MBP: variants seen among roughly 807,000 people sequenced by gnomAD.
MBP encodes the protein Golli-MBP.
In MBP, 16 loss-of-function variants were observed where a neutral mutation model predicts 35.8. The ratio of observed to expected loss-of-function variants is 0.45; its 90% CI spans 0.30 to 0.68. The LOEUF (loss-of-function observed/expected upper bound fraction) is 0.68. Among genes scored for constraint, MBP ranks in the 30% least tolerant of loss-of-function variants. The pLI is 0.08. For synonymous variants in MBP, 143 were observed against 159.6 expected (o/e 0.90, Z 0.78); for missense variants, 380 against 404.7 (o/e 0.94, Z 0.52).
chr18:77,048,984 G>T (rs1199843352), intron 3 of MBP, among the ~76,000 whole-genome samples: 1 of 149,980 alleles, frequency 6.7e-6, no homozygotes, highest in East Asian at 2.0e-4. Flanking sequence ...CAGTGGCATG[G>T]TGTCAGCTCA....
chr18:77,048,773 A>T (rs1214428711), intron 3 of MBP, among the ~76,000 whole-genome samples: 1 of 152,050 alleles, frequency 6.6e-6, no homozygotes, highest in Non-Finnish European at 1.5e-5. Flanking sequence ...CAATCTCTGT[A>T]GGTTCTATAA....
At chr18:77,067,319 C>G (rs544385995) in intron 2 of MBP, among the ~76,000 whole-genome samples, 1 of 152,290 alleles carries the variant, frequency 6.6e-6, no homozygotes, top group African/African-American at 2.4e-5. Context: ...TCCCTCCTTT[C>G]TGTCTTCACA....
chr18:77,052,930 C>T (rs1286331269), intron 3 of MBP, among the ~76,000 whole-genome samples: 1 of 152,232 alleles, frequency 6.6e-6, no homozygotes, highest in African/African-American at 2.4e-5. Context: ...CTAACCTACT[C>T]CCTCCTGTGG....
chr18:77,086,889 C>T (rs565597111), intron 2 of MBP, among the ~76,000 whole-genome samples: 1 of 152,280 alleles, frequency 6.6e-6, no homozygotes, highest in Non-Finnish European at 1.5e-5. Flanking sequence ...AGTATACGCT[C>T]CTCTAATGTT....
At position 77,131,073 on chromosome 18, in the gene MBP, G is replaced by GCA. The variant is rs377386133; in HGVS notation, c.-26+1506_-26+1507insTG. On this transcript the variant is annotated intron_variant, in intron 1 of 8. Coordinates refer to ENST00000355994, the MANE Select transcript of MBP (RefSeq NM_001025101.2). This position sits in a 1 kb window ranked among gnomAD's most constrained non-coding sequence, Gnocchi z 5.5. Reference sequence around the variant, plus strand: ...CTCAAAAAACAAAACACACACACGCGCGCACGCACGCGCACACACACACAC... The same window carrying GCA: ...CTCAAAAAACAAAACACACACACGCGCACGCACGCACGCGCACACACACACAC... Among the ~76,000 whole-genome samples, 772 of 37,072 alleles carry GCA rather than the reference G, an allele frequency of 0.021. 4 individuals are homozygous for GCA. The highest frequency in any genetic ancestry group is 0.037 in the South Asian group (29 of 784). The allele number at this position is 37,072 out of a possible 152,430, so 24.3% of individuals were successfully genotyped here.
intron 3 of MBP, among the ~76,000 whole-genome samples, chr18:77,029,793 A>ACAC (rs1972474497): frequency 3.3e-5 from 5 of 150,422 alleles, no homozygotes; most frequent in African/African-American, 9.8e-5. Flanking sequence ...CACACACACA[A>ACAC]ACACACACAC....
chr18:77,106,034 G>T (rs1976264062), intron 1 of MBP, among the ~76,000 whole-genome samples: 3 of 152,140 alleles, frequency 2.0e-5, no homozygotes, highest in African/African-American at 7.2e-5. Context: ...TCAGCTGAGG[G>T]CCACTGGAAC....
rs766419027 is a variant in MBP at position 76,988,379 on chromosome 18, C to T, written c.750+116G>A. 3.3e-5 allele frequency: 54 copies of T among 1,612,936 alleles called. 1 individual carries two copies. The highest frequency in any genetic ancestry group is 2.7e-4 in the South Asian group (25 of 90,942). On this transcript the variant is annotated intron_variant, in intron 7 of 8. Coordinates refer to ENST00000355994, the MANE Select transcript of MBP (RefSeq NM_001025101.2). The surrounding 1 kb of genome is among the most constrained non-coding windows in gnomAD (Gnocchi z 5.2). The stretch of plus-strand genomic sequence containing the variant: ...ATCCCAGCTGTGGGCAGAGAGGTCT[C>T]GAGAGGAGAGAAAAGGAGGCCAGGA...
In MBP at chr18:76,988,532, A is replaced by G. The variant is rs1035455253; in HGVS notation, c.718-5T>C. Reference sequence around the variant, plus strand: ...GCTCAGGGACAGTCCTCTCCCCTGCATGAGGAAGACAGAGAAATAATGACA... The same window carrying G: ...GCTCAGGGACAGTCCTCTCCCCTGCGTGAGGAAGACAGAGAAATAATGACA... On this transcript the variant is annotated splice_polypyrimidine_tract_variant and splice_region_variant and intron_variant, in intron 6 of 8. Coordinates refer to ENST00000355994, the MANE Select transcript of MBP (RefSeq NM_001025101.2). This position sits in a 1 kb window ranked among gnomAD's most constrained non-coding sequence, Gnocchi z 5.2. 3 of 1,611,004 alleles carry G rather than the reference A, an allele frequency of 1.9e-6. No homozygotes were observed. Among genetic ancestry groups the G allele is most frequent in the Admixed American group, 1.7e-5 (1 of 59,836 alleles).
At chr18:77,128,228 C>A (rs1006673103) in intron 1 of MBP, among the ~76,000 whole-genome samples, 1 of 152,200 alleles carries the variant, frequency 6.6e-6, no homozygotes, top group African/African-American at 2.4e-5. Flanking sequence ...TATGGACATG[C>A]TTGCCAACCC....
chr18:77,072,511 A>G (rs577455667), intron 2 of MBP, among the ~76,000 whole-genome samples: 106 of 152,358 alleles, frequency 7.0e-4, no homozygotes, highest in African/African-American at 2.4e-3. Flanking sequence ...CTGTTTGCTC[A>G]GCTTTAAAAT....
At chr18:76,986,576 A>T in intron 7 of MBP, 1 of 985,638 alleles carries the variant, frequency 1.0e-6, no homozygotes, top group Non-Finnish European at 1.2e-6. Context: ...TTCGGGGGCT[A>T]TCCAGTGAGG....
At chr18:77,075,770 C>T (rs1974625694) in intron 2 of MBP, among the ~76,000 whole-genome samples, 1 of 152,104 alleles carries the variant, frequency 6.6e-6, no homozygotes, top group Admixed American at 6.5e-5. Context: ...GTGCACACCG[C>T]ACTAATGGGG....
At chr18:77,074,164 A>G (rs1371014151) in intron 2 of MBP, among the ~76,000 whole-genome samples, 3 of 152,216 alleles carry the variant, frequency 2.0e-5, no homozygotes, top group African/African-American at 7.2e-5. Flanking sequence ...GGAGGTAGAC[A>G]GTGCCCACGT....
At position 77,054,110 on chromosome 18, in the gene MBP, C is replaced by T. The variant is rs115905586; in HGVS notation, c.139+12188G>A. Among the ~76,000 whole-genome samples, 1,174 of 152,348 alleles carry T rather than the reference C, an allele frequency of 7.7e-3. 17 individuals carry two copies. Among genetic ancestry groups the T allele is most frequent in the African/African-American group, 0.027 (1,125 of 41,578 alleles). ...GGCTGTCCTCCCGGTCCCTCCCCGC[C>T]CTGCCCTCCGATGGCAGAGACTCTA... is the stretch of plus-strand genomic sequence containing the variant. On this transcript the variant is annotated intron_variant, in intron 3 of 8. Transcript: ENST00000355994.
intron 2 of MBP, among the ~76,000 whole-genome samples, chr18:77,081,768 A>ATATATG (rs1974917617): frequency 1.5e-5 from 1 of 67,316 alleles, no homozygotes; most frequent in Non-Finnish European, 3.2e-5. Flanking sequence ...ATATATATAT[A>ATATATG]CACACACACA....
intron 8 of MBP, chr18:76,984,456 C>G: frequency 3.1e-6 from 1 of 326,526 alleles, no homozygotes; most frequent in Non-Finnish European, 5.9e-6. Flanking sequence ...AGGGCCCCAA[C>G]CCCTGGGCAT....
At chr18:77,014,144 G>A (rs1037294588) in intron 4 of MBP, 28 of 985,270 alleles carry the variant, frequency 2.8e-5, no homozygotes, top group South Asian at 4.7e-5. Context: ...TTTCATTTAC[G>A]GCTCTCAAAA....
chr18:77,094,280 T>C (rs908506559), intron 2 of MBP, among the ~76,000 whole-genome samples: 1 of 152,234 alleles, frequency 6.6e-6, no homozygotes, highest in African/African-American at 2.4e-5. Context: ...AGCCTAAAGT[T>C]TCTCTTTAAA....
Sources: gnomAD v4.1 joint callset for allele counts (sites outside exome capture counted in the v4.1 genomes callset) on GRCh38, gnomAD v4.1.1 for gene constraint, Gnocchi (gnomAD v3.1) non-coding constraint, MANE v1.5 for transcripts, NCBI Gene and HGNC (gene_info 2026-07-23, HGNC 2026-07-21) for gene names.